Variants in TSPAN15 observed in about 807,000 individuals in gnomAD.
TSPAN15 encodes tetraspanin-15.
Under a neutral mutation model 34.5 loss-of-function variants are expected in TSPAN15, and 20 were observed. The ratio of observed to expected loss-of-function variants is 0.58; its 90% CI spans 0.41 to 0.84. The LOEUF (loss-of-function observed/expected upper bound fraction) is 0.84. Among genes scored for constraint, TSPAN15 ranks in the 40% least tolerant of loss-of-function variants. The pLI is 0.00. For synonymous variants in TSPAN15, 155 were observed against 153.9 expected, an observed-to-expected ratio of 1.01 and a Z score of -0.05; for missense variants, 313 against 386.1, an observed-to-expected ratio of 0.81 and a Z score of 1.59.
intron 1 of TSPAN15, among the ~76,000 whole-genome samples, chr10:69,481,457 T>C (rs950269685): frequency 3.3e-5 from 5 of 152,246 alleles, no homozygotes; most frequent in Non-Finnish European, 7.3e-5. Flanking sequence ...AAGCTCTGTC[T>C]GCTTATTTGA....
chr10:69,486,182 G>A (rs1401180377), intron 3 of TSPAN15, among the ~76,000 whole-genome samples: 2 of 152,220 alleles, frequency 1.3e-5, no homozygotes, highest in Non-Finnish European at 2.9e-5. Context: ...CCCACAAGAA[G>A]CTGGTGGTGG....
intron 1 of TSPAN15, among the ~76,000 whole-genome samples, chr10:69,474,735 C>T (rs1450593619): frequency 1.3e-5 from 2 of 152,152 alleles, no homozygotes; most frequent in Admixed American, 6.5e-5. Flanking sequence ...CTCTTCATTC[C>T]TGGGCTCCCT....
At chr10:69,471,703 C>T (rs946244791) in intron 1 of TSPAN15, among the ~76,000 whole-genome samples, 8 of 151,726 alleles carry the variant, frequency 5.3e-5, no homozygotes, top group African/African-American at 1.7e-4. Context: ...GCCATCCTCC[C>T]ACCTCAGCCT....
chr10:69,527,781 A>T, the TSPAN15 span, among the ~76,000 whole-genome samples: 4 of 147,708 alleles, frequency 2.7e-5, no homozygotes, highest in Non-Finnish European at 6.0e-5. Flanking sequence ...AATGTGTAGC[A>T]TAAGAGTTTA....
chr10:69,531,531 C>G, the TSPAN15 span, among the ~76,000 whole-genome samples: 1 of 152,052 alleles, frequency 6.6e-6, no homozygotes, highest in Non-Finnish European at 1.5e-5. Flanking sequence ...TCTGGGAGGT[C>G]AAGTCTGTGG....
Position 69,504,424 on chromosome 10 carries a change from C to A in TSPAN15, c.571-14C>A. On this transcript the variant is annotated splice_polypyrimidine_tract_variant and intron_variant, in intron 5 of 7. Coordinates refer to ENST00000373290, the MANE Select transcript of TSPAN15 (RefSeq NM_012339.5). ...ACCATTATAAATATTAGCTATTATACATTTCCATTTCAGACAGAAGTTGTC... is the reference window on the plus strand; with the variant it reads ...ACCATTATAAATATTAGCTATTATAAATTTCCATTTCAGACAGAAGTTGTC... The A allele has an allele frequency of 6.2e-7, 1 of 1,611,894 alleles. No homozygotes were observed. Among genetic ancestry groups the A allele is most frequent in the Non-Finnish European group, 8.5e-7 (1 of 1,177,974 alleles).
rs150845528 is a variant in TSPAN15, at chr10:69,466,955, G to A, written c.96+15265G>A. ...GCAGCTCGTAAGTGGCCCAGCGCCTGCAGCTGGCCTGGGCTCTTTGCTGGG... is the reference window on the plus strand; with the variant it reads ...GCAGCTCGTAAGTGGCCCAGCGCCTACAGCTGGCCTGGGCTCTTTGCTGGG... On this transcript the variant is annotated intron_variant, in intron 1 of 7. Transcript: ENST00000373290. Among the ~76,000 whole-genome samples, 257 of 152,336 alleles carry A rather than the reference G, an allele frequency of 1.7e-3. 1 individual carries two copies. Among genetic ancestry groups the A allele is most frequent in the African/African-American group, 5.9e-3 (245 of 41,576 alleles).
intron 5 of TSPAN15, among the ~76,000 whole-genome samples, chr10:69,501,111 A>T (rs1842197058): frequency 6.6e-6 from 1 of 152,186 alleles, no homozygotes; most frequent in Non-Finnish European, 1.5e-5. Flanking sequence ...CCACTGCCTG[A>T]GAGGGGAGGA....
intron 4 of TSPAN15, 125 bp from the exon 5 acceptor site, chr10:69,498,155 C>A (rs983155711): frequency 8.9e-6 from 7 of 783,798 alleles, no homozygotes; most frequent in Middle Eastern, 3.4e-4. Flanking sequence ...AAGTGTACAG[C>A]CTCTCCCTGC....
At chr10:69,460,360 C>T (rs940099203) in intron 1 of TSPAN15, among the ~76,000 whole-genome samples, 3 of 152,166 alleles carry the variant, frequency 2.0e-5, no homozygotes, top group African/African-American at 7.2e-5. Context: ...ATGAGTTGTT[C>T]AGCTCCAAGC....
intron 1 of TSPAN15, among the ~76,000 whole-genome samples, chr10:69,471,312 C>T (rs10998818): frequency 0.46 from 69,895 of 151,706 alleles, 16,627 homozygotes; most frequent in African/African-American, 0.54. Flanking sequence ...AAGACTCCCA[C>T]TGCCACTCTC....
the TSPAN15 span, among the ~76,000 whole-genome samples, chr10:69,536,197 C>G: frequency 6.6e-6 from 1 of 152,200 alleles, no homozygotes; most frequent in Admixed American, 6.5e-5. Flanking sequence ...CTTCCTGACT[C>G]CAGCCCCAGA....
At chr10:69,544,240 A>T in the TSPAN15 span, among the ~76,000 whole-genome samples, 1 of 152,208 alleles carries the variant, frequency 6.6e-6, no homozygotes, top group Non-Finnish European at 1.5e-5. Flanking sequence ...ACATTTATTT[A>T]AAGTGTATTA....
intron 1 of TSPAN15, among the ~76,000 whole-genome samples, chr10:69,454,935 C>T (rs989431220): frequency 1.3e-5 from 2 of 152,010 alleles, no homozygotes; most frequent in African/African-American, 2.4e-5. Flanking sequence ...GAGGCTGAGG[C>T]GGGCGGATCG....
At chr10:69,524,640 G>GA in the TSPAN15 span, among the ~76,000 whole-genome samples, 173 of 114,366 alleles carry the variant, frequency 1.5e-3, 11 homozygotes, top group Middle Eastern at 0.029. Flanking sequence ...TTGCAAACTA[G>GA]AAAAAAAAAA....
At chr10:69,467,705 G>C (rs541009794) in intron 1 of TSPAN15, among the ~76,000 whole-genome samples, 25 of 151,702 alleles carry the variant, frequency 1.6e-4, no homozygotes, top group African/African-American at 5.6e-4. Context: ...CTTGGTTGCT[G>C]TAGAAAAGGT....
At chr10:69,529,257 G>A in the TSPAN15 span, among the ~76,000 whole-genome samples, 1 of 147,770 alleles carries the variant, frequency 6.8e-6, no homozygotes, top group East Asian at 2.5e-4. Context: ...CAACTCAGAA[G>A]GAGCAGGGCC....
At chr10:69,470,355 C>T (rs1238564779) in intron 1 of TSPAN15, among the ~76,000 whole-genome samples, 1 of 152,234 alleles carries the variant, frequency 6.6e-6, no homozygotes, top group Non-Finnish European at 1.5e-5. Flanking sequence ...ATGATGAACA[C>T]ATAGGCTGAT....
intron 1 of TSPAN15, among the ~76,000 whole-genome samples, chr10:69,468,398 G>A (rs532371585): frequency 1.3e-5 from 2 of 152,174 alleles, no homozygotes; most frequent in Non-Finnish European, 2.9e-5. Flanking sequence ...GATGCTTGGG[G>A]TAGGCTGGGG....
Sources: allele counts gnomAD v4.1 joint callset (sites outside exome capture counted in the v4.1 genomes callset), GRCh38; gene constraint gnomAD v4.1.1; transcripts MANE v1.5; gene names NCBI Gene and HGNC (gene_info 2026-07-23, HGNC 2026-07-21).